DLG5: variants seen among roughly 807,000 people sequenced by gnomAD.
The protein encoded by DLG5 is disks large homolog 5.
A neutral mutation model predicts 189.8 loss-of-function variants in DLG5; 48 were observed. The ratio of observed to expected loss-of-function variants is 0.25; its 90% confidence interval spans 0.20 to 0.32. The LOEUF (loss-of-function observed/expected upper bound fraction) is 0.32. Ranked by LOEUF, DLG5 falls within the 10% of genes least tolerant of loss-of-function variation. DLG5 has a pLI of 1.00. For missense variants in DLG5, 2,160 were observed against 2,544.7 expected, an observed-to-expected ratio of 0.85 and a Z score of 3.25; for synonymous variants, 1,016 against 1,054.1, an observed-to-expected ratio of 0.96 and a Z score of 0.70.
At chr10:77,833,826 T>C (rs1842990432) in intron 9 of DLG5, 88 bp downstream of exon 9, 16 of 1,545,756 alleles carry the variant, frequency 1.0e-5, no homozygotes, top group Non-Finnish European at 1.4e-5. Flanking sequence ...CCCTGGCCAA[T>C]GCACTCAGCA....
intron 1 of DLG5, among the ~76,000 whole-genome samples, chr10:77,888,681 C>A (rs1298082907): frequency 2.6e-5 from 4 of 152,166 alleles, no homozygotes; most frequent in Admixed American, 2.6e-4. Flanking sequence ...CGCACCAACA[C>A]CGTGTGCCAA....
At chr10:77,883,055 G>A (rs1448594294) in intron 1 of DLG5, among the ~76,000 whole-genome samples, 1 of 152,166 alleles carries the variant, frequency 6.6e-6, no homozygotes. Context: ...TACTATGGGT[G>A]AAAGCTCCAG....
At chr10:77,803,782 C>T (rs939448064) in intron 27 of DLG5, among the ~76,000 whole-genome samples, 4 of 150,742 alleles carry the variant, frequency 2.7e-5, no homozygotes, top group South Asian at 4.2e-4. Flanking sequence ...ATGGCACCTA[C>T]GGAGAAAGGA....
intron 2 of DLG5, chr10:77,867,063 A>G (rs1844710590): frequency 6.6e-6 from 3 of 456,950 alleles, no homozygotes; most frequent in Non-Finnish European, 1.3e-5. Flanking sequence ...GGAAGAGCAC[A>G]GAGATACTGT....
chr10:77,802,861 T>C (rs1161593871), intron 27 of DLG5, among the ~76,000 whole-genome samples: 2 of 152,106 alleles, frequency 1.3e-5, no homozygotes, highest in Admixed American at 6.6e-5. Flanking sequence ...GATCGTACCA[T>C]TGCACTCCGG....
At chr10:77,856,244 T>C (rs1445568613) in intron 3 of DLG5, among the ~76,000 whole-genome samples, 1 of 151,982 alleles carries the variant, frequency 6.6e-6, no homozygotes, top group African/African-American at 2.4e-5. Context: ...CCCAGCTACT[T>C]GGAAGGCTGA....
intron 1 of DLG5, among the ~76,000 whole-genome samples, chr10:77,903,533 G>A (rs193269734): frequency 6.6e-5 from 10 of 151,486 alleles, no homozygotes; most frequent in Non-Finnish European, 1.2e-4. Flanking sequence ...CAGGAGAATC[G>A]CTTGAACCTG....
chr10:77,834,683 T>TA (rs901016885), intron 8 of DLG5, among the ~76,000 whole-genome samples: 2 of 152,048 alleles, frequency 1.3e-5, no homozygotes, highest in African/African-American at 4.8e-5. Context: ...GAAATGGACA[T>TA]ACCCAGAGGA....
intron 1 of DLG5, among the ~76,000 whole-genome samples, chr10:77,901,570 C>T (rs796151758): frequency 2.6e-5 from 4 of 152,244 alleles, no homozygotes; most frequent in Admixed American, 6.5e-5. Flanking sequence ...GTGACTTCTG[C>T]GGTCCACGCT....
chr10:77,830,612 TCA>T, intron 10 of DLG5, 127 bp downstream of exon 10: 1 of 1,446,276 alleles, frequency 6.9e-7, no homozygotes, highest in Non-Finnish European at 9.3e-7. Flanking sequence ...AAAGGATGCC[TCA>T]CACTCCTGGG....
intron 1 of DLG5, among the ~76,000 whole-genome samples, chr10:77,913,575 T>C (rs542892783): frequency 5.9e-5 from 9 of 152,234 alleles, no homozygotes; most frequent in African/African-American, 2.2e-4. Context: ...CTTCCACATG[T>C]GTGAATGTCT....
rs376335572 is a variant in DLG5, at chr10:77,843,815, G to T, written c.865-109C>A. 8.3e-6 allele frequency: 12 copies of T among 1,444,158 alleles called. No homozygotes were observed. In the African/African-American group the frequency reaches 8.4e-5, roughly 10 times the overall value. 89.5% of individuals were successfully genotyped at this position (1,444,158 alleles called of 1,614,324 possible). On this transcript the variant is annotated intron_variant, in intron 5 of 31. Coordinates refer to ENST00000372391, the MANE Select transcript of DLG5 (RefSeq NM_004747.4). The stretch of plus-strand genomic sequence containing the variant: ...GGTGAGACTGATGACAAGGCGGTTG[G>T]GGGGAGGGGGTTACCCTAAAGCTTT...
At chr10:77,863,272 T>C (rs890374127) in intron 2 of DLG5, among the ~76,000 whole-genome samples, 10 of 151,808 alleles carry the variant, frequency 6.6e-5, no homozygotes, top group African/African-American at 2.4e-4. Context: ...TTATTATTTT[T>C]ATTTATTGTA....
Position 77,796,569 on chromosome 10 carries a change from C to T in DLG5, c.5190G>A (p.Arg1730=), listed in dbSNP as rs547885540. Reference sequence around the variant, plus strand: ...GAGCGGTGCAGTCCACCTTCTGGACCCGCTGATAGGCCAGGCTCACCGAAT... The same window carrying T: ...GAGCGGTGCAGTCCACCTTCTGGACTCGCTGATAGGCCAGGCTCACCGAAT... ...FEDSVSLAYQ[R]VQKVDCTALR... The change falls in exon 28 of 32, where the codon CGG becomes CGA. Residue 1730 remains arginine (R), a synonymous_variant. Coordinates refer to ENST00000372391, the MANE Select transcript of DLG5 (RefSeq NM_004747.4). This position sits in a 1 kb window ranked among gnomAD's most constrained non-coding sequence, Gnocchi z 5.2. The T allele has an allele frequency of 4.3e-6, 7 of 1,614,068 alleles. No homozygotes were observed. The South Asian group carries it at 7.7e-5, about 18-fold the overall frequency.
chr10:77,793,119 G>A (rs1051577221), intron 31 of DLG5: 5 of 152,356 alleles, frequency 3.3e-5, no homozygotes, highest in East Asian at 3.8e-4. Context: ...ACAGGACGTC[G>A]TAATTTTATG....
chr10:77,822,534 C>A (rs1166898205), intron 14 of DLG5, among the ~76,000 whole-genome samples: 2 of 152,098 alleles, frequency 1.3e-5, no homozygotes, highest in African/African-American at 2.4e-5. Flanking sequence ...GTCCCAGCTA[C>A]TTGGGAGGCT....
intron 1 of DLG5, among the ~76,000 whole-genome samples, chr10:77,911,750 A>T (rs774311870): frequency 1.3e-5 from 2 of 152,248 alleles, no homozygotes; most frequent in South Asian, 4.1e-4. Context: ...TGAGTCAGAG[A>T]TGGCCATCTC....
chr10:77,927,453 G>C (rs566135800), upstream of DLG5: 1 of 152,344 alleles, frequency 6.6e-6, no homozygotes, highest in African/African-American at 2.4e-5. Flanking sequence ...GAATCCGTGA[G>C]GCTTTCCCTC....
Position 77,926,261 on chromosome 10 carries a change from T to C in DLG5, c.260A>G (p.Tyr87Cys). ...CGGCGGCCCGACGACGCCGTTCAGG[T>C]AGAGAATGGGCAGCAGGTGAGGCTG... is the stretch of plus-strand genomic sequence containing the variant. ...KTQPHLLPIL[Y>C]LNGVVGPPQP... The change falls in exon 1 of 32, where the codon TAC (tyrosine) becomes TGC (cysteine). Residue 87 changes from tyrosine (Y) to cysteine (C), a missense_variant. Around this residue, in one of 5 missense-constraint regions of DLG5, gnomAD observed 664 missense variants for 838.5 expected, o/e 0.79. Transcript: ENST00000372391. The surrounding 1 kb of genome is among the most constrained non-coding windows in gnomAD (Gnocchi z 5.2). 3 of 1,568,238 alleles carry C rather than the reference T, an allele frequency of 1.9e-6. No homozygotes were observed. Among genetic ancestry groups the C allele is most frequent in the Non-Finnish European group, 2.6e-6 (3 of 1,159,458 alleles).
Sources: gnomAD v4.1 joint callset for allele counts (sites outside exome capture counted in the v4.1 genomes callset) on GRCh38, gnomAD v4.1.1 for gene constraint, gnomAD v4.1.1 regional missense constraint, Gnocchi (gnomAD v3.1) non-coding constraint, MANE v1.5 for transcripts, NCBI Gene and HGNC (gene_info 2026-07-23, HGNC 2026-07-21) for gene names.